The following CDH4 variants were observed in gnomAD, a reference collection of about 807,000 sequenced individuals.
CDH4 encodes the protein cadherin 4.
In CDH4, 33 loss-of-function variants were observed where a neutral mutation model predicts 86.0. The ratio of observed to expected loss-of-function variants is 0.38; its 90% CI spans 0.29 to 0.51. CDH4 has a LOEUF of 0.51. CDH4 is among the 20% of genes least tolerant of loss of function. CDH4 has a pLI of 0.86. For missense variants in CDH4, 1,114 were observed against 1,307.4 expected (o/e 0.85, Z 2.28); for synonymous variants, 555 against 549.4 (o/e 1.01, Z -0.14).
chr20:61,690,761 G>A (rs1224887757), intron 2 of CDH4, among the ~76,000 whole-genome samples: 2 of 152,142 alleles, frequency 1.3e-5, no homozygotes, highest in African/African-American at 2.4e-5. Flanking sequence ...GACTTGCTGC[G>A]AGTCCTCATT....
intron 2 of CDH4, among the ~76,000 whole-genome samples, chr20:61,258,718 C>G (rs1360762770): frequency 6.6e-6 from 1 of 152,240 alleles, no homozygotes; most frequent in African/African-American, 2.4e-5. Flanking sequence ...GGTCATGTGC[C>G]TGCCTAATCC....
chr20:61,767,910 T>G (rs548831345), intron 3 of CDH4, among the ~76,000 whole-genome samples: 1 of 152,298 alleles, frequency 6.6e-6, no homozygotes, highest in Admixed American at 6.5e-5. Flanking sequence ...TCCTGCAGGC[T>G]GCAGCAGCTC....
chr20:61,556,511 CAG>C (rs1423408176), intron 2 of CDH4, among the ~76,000 whole-genome samples: 2 of 152,182 alleles, frequency 1.3e-5, no homozygotes, highest in African/African-American at 2.4e-5. Flanking sequence ...AAAGTCCAAA[CAG>C]AAGCTTGAGT....
intron 2 of CDH4, among the ~76,000 whole-genome samples, chr20:61,260,073 G>A (rs1453348227): frequency 2.6e-5 from 4 of 152,158 alleles, no homozygotes; most frequent in South Asian, 2.1e-4. Flanking sequence ...AAAACACCAC[G>A]CTTGGTTTTG....
chr20:61,628,868 C>G lies in CDH4; in HGVS notation c.170-114695C>G, dbSNP rs532010365. On this transcript the variant is annotated intron_variant, in intron 2 of 15. Transcript: ENST00000614565. ...GACATGAGGAATGGATGATGGGCCCCTCTCCTTCCTGGCTTGCACATTCCT... is the reference window on the plus strand; with the variant it reads ...GACATGAGGAATGGATGATGGGCCCGTCTCCTTCCTGGCTTGCACATTCCT... Among the ~76,000 whole-genome samples, 12 of 152,360 alleles carry G rather than the reference C, an allele frequency of 7.9e-5. No homozygotes were observed. In the South Asian group the frequency reaches 2.5e-3, roughly 32 times the overall value.
At chr20:61,840,196 G>C (rs567647985) in intron 4 of CDH4, among the ~76,000 whole-genome samples, 1 of 152,272 alleles carries the variant, frequency 6.6e-6, no homozygotes, top group Non-Finnish European at 1.5e-5. Context: ...AGACCTTCCC[G>C]ACCGTGCACG....
At chr20:61,459,319 G>C (rs1031772347) in intron 2 of CDH4, among the ~76,000 whole-genome samples, 3 of 152,074 alleles carry the variant, frequency 2.0e-5, no homozygotes, top group African/African-American at 7.2e-5. Flanking sequence ...TTGTGGGGTT[G>C]GGTCAGTGTT....
intron 2 of CDH4, among the ~76,000 whole-genome samples, chr20:61,396,721 C>T (rs1341847649): frequency 2.6e-5 from 4 of 152,156 alleles, no homozygotes; most frequent in Non-Finnish European, 5.9e-5. Context: ...CTGCGGAGGC[C>T]CCGAAGGGGT....
intron 2 of CDH4, among the ~76,000 whole-genome samples, chr20:61,482,634 G>C (rs1198064054): frequency 1.3e-5 from 2 of 152,202 alleles, no homozygotes; most frequent in Non-Finnish European, 2.9e-5. Context: ...TCTGCTGACA[G>C]GGCTGGGTTT....
At chr20:61,693,355 G>A (rs918156199) in intron 2 of CDH4, among the ~76,000 whole-genome samples, 1 of 152,216 alleles carries the variant, frequency 6.6e-6, no homozygotes, top group African/African-American at 2.4e-5. Context: ...CTGGAAATGT[G>A]GGGGAGGCCT....
At chr20:61,347,551 CTG>C (rs1253405964) in intron 2 of CDH4, among the ~76,000 whole-genome samples, 2 of 152,220 alleles carry the variant, frequency 1.3e-5, no homozygotes, top group African/African-American at 2.4e-5. Flanking sequence ...TTAATGGCAG[CTG>C]TCAGTGCTAT....
At chr20:61,415,820 C>A (rs1170221113) in intron 2 of CDH4, among the ~76,000 whole-genome samples, 2 of 152,104 alleles carry the variant, frequency 1.3e-5, no homozygotes, top group African/African-American at 4.8e-5. Flanking sequence ...GTGTCTTAGC[C>A]TCCCGAGTAG....
chr20:61,357,093 C>T (rs973885995), intron 2 of CDH4, among the ~76,000 whole-genome samples: 1 of 152,188 alleles, frequency 6.6e-6, no homozygotes, highest in Non-Finnish European at 1.5e-5. Context: ...GTGCCCCCAA[C>T]CTCCGCCCAG....
In CDH4 at chr20:61,750,193, A is replaced by T. The variant is rs1025327348; in HGVS notation, c.396+6404A>T. On this transcript the variant is annotated intron_variant, in intron 3 of 15. Transcript: ENST00000614565. ...AGAAAACAATGAAACAGAAAACAAT[A>T]GAAATAACAAAATTGGTCCTTTAAA... 7.2e-5 allele frequency among the ~76,000 whole-genome samples: 11 copies of T among 152,222 alleles called. No individual in the cohort carries two copies. The South Asian group carries it at 2.1e-3, about 29-fold the overall frequency.
chr20:61,627,180 G>A (rs554471956), intron 2 of CDH4, among the ~76,000 whole-genome samples: 1 of 152,148 alleles, frequency 6.6e-6, no homozygotes, highest in Non-Finnish European at 1.5e-5. Context: ...TGGAGGACCC[G>A]TTCCAGGGGT....
intron 2 of CDH4, among the ~76,000 whole-genome samples, chr20:61,445,202 C>T (rs913691164): frequency 5.9e-5 from 9 of 152,098 alleles, no homozygotes; most frequent in African/African-American, 1.9e-4. Flanking sequence ...CGAAGACTGT[C>T]AGGAAGCTCT....
chr20:61,689,532 A>G, intron 2 of CDH4, among the ~76,000 whole-genome samples: 1 of 94,228 alleles, frequency 1.1e-5, no homozygotes, highest in Non-Finnish European at 2.1e-5. Flanking sequence ...GTGGTTGGTG[A>G]GGTGATGTGG....
intron 2 of CDH4, among the ~76,000 whole-genome samples, chr20:61,602,242 C>T (rs926502870): frequency 3.9e-5 from 6 of 152,206 alleles, no homozygotes; most frequent in East Asian, 1.9e-4. Context: ...CACATTTTAT[C>T]GCAAGGTTCT....
chr20:61,670,647 G>A (rs1235251473), intron 2 of CDH4, among the ~76,000 whole-genome samples: 3 of 152,216 alleles, frequency 2.0e-5, no homozygotes, highest in African/African-American at 7.2e-5. Flanking sequence ...TGTATGGGGA[G>A]TGCGAGGCTG....
Sources: gnomAD v4.1 joint callset for allele counts (sites outside exome capture counted in the v4.1 genomes callset) on GRCh38, gnomAD v4.1.1 for gene constraint, MANE v1.5 for transcripts, NCBI Gene and HGNC (gene_info 2026-07-23, HGNC 2026-07-21) for gene names.